The following UTRN variants were observed in gnomAD, a reference collection of about 807,000 sequenced individuals.
UTRN encodes the protein dystrophin-related protein 1.
Under a neutral mutation model 463.9 loss-of-function variants are expected in UTRN, and 283 were observed. That is an observed-to-expected ratio of 0.61 (90% confidence interval 0.55 to 0.67). The LOEUF is 0.67. Among genes scored for constraint, UTRN ranks in the 30% least tolerant of loss-of-function variants. UTRN has a pLI of 0.00. For synonymous variants in UTRN, 1,442 were observed against 1,431.5 expected, an observed-to-expected ratio of 1.01 and a Z score of -0.17; for missense variants, 3,922 against 4,084.3, an observed-to-expected ratio of 0.96 and a Z score of 1.08.
rs1474120954 is a variant in UTRN, at chr6:144,754,787, A to G, written c.8423A>G (p.His2808Arg). ...AGAGATTTTGGACCATCCTCTCAGC[A>G]TTTTCTCTCTAGTAAGTACTAATAA... ...AHRDFGPSSQ[H>R]FLSTSVQLPW... Residue 2808 changes from histidine to arginine, a missense_variant, in exon 57 of 75, where the codon CAT (histidine) becomes CGT (arginine). Coordinates refer to ENST00000367545, the MANE Select transcript of UTRN (RefSeq NM_007124.3). 6.2e-7 allele frequency: 1 copy of G among 1,613,380 alleles called. No individual in the cohort carries two copies. Among genetic ancestry groups the G allele is most frequent in the African/African-American group, 1.3e-5 (1 of 74,882 alleles).
At chr6:144,690,130 T>TGTGTGTGTGTGTGTG (rs1562770946) in intron 52 of UTRN, among the ~76,000 whole-genome samples, 7 of 115,202 alleles carry the variant, frequency 6.1e-5, no homozygotes, top group Admixed American at 1.1e-4. Flanking sequence ...TGTGTGTGTG[T>TGTGTGTGTGTGTGTG]TAAGCTACCA....
At chr6:144,436,275 A>G in intron 10 of UTRN, 137 bp downstream of exon 10, 1 of 931,744 alleles carries the variant, frequency 1.1e-6, no homozygotes, top group Non-Finnish European at 1.6e-6. Flanking sequence ...GAACTGTGAT[A>G]TTTAAATAGT....
At chr6:144,788,080 G>T (rs1776437825) in intron 61 of UTRN, among the ~76,000 whole-genome samples, 2 of 151,802 alleles carry the variant, frequency 1.3e-5, no homozygotes, top group African/African-American at 2.4e-5. Context: ...AAAACTCTTT[G>T]GTTTTAAAGA....
chr6:144,720,607 G>A (rs1787026506), intron 53 of UTRN, among the ~76,000 whole-genome samples: 2 of 152,184 alleles, frequency 1.3e-5, no homozygotes, highest in Admixed American at 6.5e-5. Context: ...GCTTCATTTA[G>A]TTTAAGTAAG....
chr6:144,338,326 A>T (rs1776890680), intron 2 of UTRN, among the ~76,000 whole-genome samples: 1 of 152,032 alleles, frequency 6.6e-6, no homozygotes, highest in African/African-American at 2.4e-5. Context: ...CTAGCTGGAC[A>T]CAAATGGGTT....
At chr6:144,292,899 C>G (rs1385766538) in intron 2 of UTRN, among the ~76,000 whole-genome samples, 1 of 152,154 alleles carries the variant, frequency 6.6e-6, no homozygotes, top group Non-Finnish European at 1.5e-5. Context: ...AAAATAAGAT[C>G]TAAATTAACT....
chr6:144,759,764 A>G (rs1792439514), intron 58 of UTRN, among the ~76,000 whole-genome samples: 1 of 152,114 alleles, frequency 6.6e-6, no homozygotes, highest in African/African-American at 2.4e-5. Context: ...AGAAGCTGGA[A>G]AAGGCAAAGA....
chr6:144,792,985 A>G (rs1776892934), intron 62 of UTRN, among the ~76,000 whole-genome samples: 1 of 152,180 alleles, frequency 6.6e-6, no homozygotes, highest in Admixed American at 6.5e-5. Flanking sequence ...GTATGAAAAT[A>G]TGCACAAATT....
chr6:144,829,921 C>G (rs1272976153), intron 69 of UTRN, among the ~76,000 whole-genome samples: 1 of 152,018 alleles, frequency 6.6e-6, no homozygotes, highest in Non-Finnish European at 1.5e-5. Flanking sequence ...CATTCATGTA[C>G]TATGAGTGTG....
intron 10 of UTRN, 82 bp downstream of exon 10, chr6:144,436,220 A>G (rs1465016206): frequency 7.4e-7 from 1 of 1,348,402 alleles, no homozygotes; most frequent in Non-Finnish European, 1.0e-6. Context: ...CCTATTTGTT[A>G]TCTACTGAAT....
intron 73 of UTRN, among the ~76,000 whole-genome samples, chr6:144,843,893 A>G (rs1166383173): frequency 1.3e-5 from 2 of 152,236 alleles, no homozygotes; most frequent in Admixed American, 6.5e-5. Flanking sequence ...TCATGTTTTC[A>G]TAGTGTTAAC....
At position 144,533,299 on chromosome 6, in the gene UTRN, C is replaced by T. The variant is rs770026500; in HGVS notation, c.6233+39C>T. 5.6e-6 allele frequency: 9 copies of T among 1,601,034 alleles called. No homozygotes were observed. The South Asian group carries it at 6.7e-5, about 12-fold the overall frequency. The stretch of plus-strand genomic sequence containing the variant: ...GATTGTTTGCAGGCACAGGAGTGAA[C>T]ATATTTTGGATAGAATCTTTTAAGA... On this transcript the variant is annotated intron_variant, in intron 43 of 74. Coordinates refer to ENST00000367545, the MANE Select transcript of UTRN (RefSeq NM_007124.3).
chr6:144,379,163 A>G (rs1780702568), intron 2 of UTRN, among the ~76,000 whole-genome samples: 1 of 152,238 alleles, frequency 6.6e-6, no homozygotes, highest in Non-Finnish European at 1.5e-5. Context: ...CTTGCTGCAT[A>G]ATAAATTATT....
At chr6:144,479,539 T>C (rs1791630861) in intron 25 of UTRN, among the ~76,000 whole-genome samples, 1 of 152,240 alleles carries the variant, frequency 6.6e-6, no homozygotes, top group South Asian at 2.1e-4. Context: ...CATCTGGGAT[T>C]ACAGTCAACA....
At position 144,487,532 on chromosome 6, in the gene UTRN, C is replaced by T; in HGVS notation, c.3823-16C>T. Reference sequence around the variant, plus strand: ...AGTAAATGCATTATTATTTTTTTTTCCCATCTCCATTCCAGTCTCTGGAAT... The same window carrying T: ...AGTAAATGCATTATTATTTTTTTTTTCCATCTCCATTCCAGTCTCTGGAAT... On this transcript the variant is annotated splice_polypyrimidine_tract_variant and intron_variant, in intron 28 of 74. Transcript: ENST00000367545. 1 of 1,554,432 alleles carries T rather than the reference C, an allele frequency of 6.4e-7. No homozygotes were observed. Among genetic ancestry groups the T allele is most frequent in the Non-Finnish European group, 8.7e-7 (1 of 1,150,098 alleles).
chr6:144,443,628 A>T (rs1018236079), intron 13 of UTRN, among the ~76,000 whole-genome samples: 2 of 137,466 alleles, frequency 1.5e-5, no homozygotes, highest in African/African-American at 7.1e-5. Context: ...ATAATCATGA[A>T]GAGTGATTTT....
chr6:144,827,493 A>G, intron 67 of UTRN, 107 bp downstream of exon 67: 1 of 1,597,284 alleles, frequency 6.3e-7, no homozygotes, highest in Admixed American at 1.7e-5. Flanking sequence ...GTTCCGGGTA[A>G]CAATCCTAGT....
intron 52 of UTRN, among the ~76,000 whole-genome samples, chr6:144,690,821 T>G (rs978634585): frequency 6.6e-6 from 1 of 152,022 alleles, no homozygotes; most frequent in Non-Finnish European, 1.5e-5. Flanking sequence ...CCCCGGTGGG[T>G]GTGTATGTGC....
At chr6:144,364,087 G>A (rs962987134) in intron 2 of UTRN, among the ~76,000 whole-genome samples, 1 of 152,180 alleles carries the variant, frequency 6.6e-6, no homozygotes, top group Non-Finnish European at 1.5e-5. Context: ...TGGATGTTGA[G>A]GTTGGTAGCC....
Sources: gnomAD v4.1 joint callset for allele counts (sites outside exome capture counted in the v4.1 genomes callset) on GRCh38, gnomAD v4.1.1 for gene constraint, MANE v1.5 for transcripts, NCBI Gene and HGNC (gene_info 2026-07-23, HGNC 2026-07-21) for gene names.